The following KAZN variants were observed in gnomAD, a reference collection of about 807,000 sequenced individuals.
KAZN encodes kazrin, periplakin interacting protein.
A neutral mutation model predicts 87.4 loss-of-function variants in KAZN; 40 were observed. The observed-to-expected ratio is 0.46, with a 90% CI of 0.36 to 0.60. The LOEUF (loss-of-function observed/expected upper bound fraction) is 0.60. Among genes scored for constraint, KAZN ranks in the 20% least tolerant of loss-of-function variants. The pLI is 0.00. For missense variants in KAZN, 898 were observed against 1,073.9 expected, an observed-to-expected ratio of 0.84 and a Z score of 2.29; for synonymous variants, 466 against 458.3, an observed-to-expected ratio of 1.02 and a Z score of -0.22.
At chr1:14,476,836 C>T (rs1369157640) in intron 2 of KAZN, among the ~76,000 whole-genome samples, 2 of 152,176 alleles carry the variant, frequency 1.3e-5, no homozygotes, top group Non-Finnish European at 2.9e-5. Context: ...CCATTCTCTT[C>T]TTTGTCCACT....
At chr1:15,080,308 G>A (rs1030393271) in intron 8 of KAZN, among the ~76,000 whole-genome samples, 6 of 152,218 alleles carry the variant, frequency 3.9e-5, no homozygotes, top group African/African-American at 1.4e-4. Context: ...TTATGATGTC[G>A]TAAATAGGGA....
chr1:14,440,510 C>A (rs1289625616), intron 2 of KAZN, among the ~76,000 whole-genome samples: 1 of 152,208 alleles, frequency 6.6e-6, no homozygotes, highest in Non-Finnish European at 1.5e-5. Flanking sequence ...GGAACCCCAT[C>A]CTACTGAAGC....
rs1663540991 is a variant in KAZN, at chr1:14,959,200, A to C, written c.227-1484A>C. Among the ~76,000 whole-genome samples, 3 of 152,258 alleles carry C rather than the reference A, an allele frequency of 2.0e-5. No individual in the cohort carries two copies. In the South Asian group the frequency reaches 6.2e-4, roughly 32 times the overall value. On this transcript the variant is annotated intron_variant, in intron 1 of 14. Transcript: ENST00000376030. The stretch of plus-strand genomic sequence containing the variant: ...ACCCCCACCCGCCCCTAGAGCCAAC[A>C]TTGAGTTTGGGAAAGAGACAGATAA...
At chr1:14,916,186 T>TC (rs1657797072) in intron 1 of KAZN, among the ~76,000 whole-genome samples, 1 of 149,526 alleles carries the variant, frequency 6.7e-6, no homozygotes, top group African/African-American at 2.5e-5. Flanking sequence ...TTTTTTTTTT[T>TC]TTTGACAGAG....
intron 2 of KAZN, among the ~76,000 whole-genome samples, chr1:14,377,867 T>TACCCA (rs1661040775): frequency 6.6e-6 from 1 of 152,140 alleles, no homozygotes; most frequent in South Asian, 2.1e-4. Context: ...CCCTGATCTC[T>TACCCA]ACCCACTTGA....
At chr1:14,495,846 T>C (rs768729178) in intron 2 of KAZN, among the ~76,000 whole-genome samples, 11 of 152,308 alleles carry the variant, frequency 7.2e-5, no homozygotes, top group Non-Finnish European at 1.5e-4. Context: ...CGAGGAATTA[T>C]AACATTGGAA....
chr1:13,998,026 C>T (rs919511921), intron 1 of KAZN, among the ~76,000 whole-genome samples: 14 of 152,164 alleles, frequency 9.2e-5, no homozygotes, highest in African/African-American at 3.4e-4. Context: ...AACAGCAGAC[C>T]TTTCAGGAGA....
At chr1:13,985,648 A>T (rs1638983109) in intron 1 of KAZN, among the ~76,000 whole-genome samples, 1 of 152,016 alleles carries the variant, frequency 6.6e-6, no homozygotes, top group African/African-American at 2.4e-5. Context: ...CTCCAAAAAA[A>T]AAACCCTGTA....
intron 1 of KAZN, among the ~76,000 whole-genome samples, chr1:14,132,114 G>T (rs564392567): frequency 1.3e-5 from 2 of 152,090 alleles, no homozygotes; most frequent in African/African-American, 4.8e-5. Context: ...AACAAATGAG[G>T]CTCAGCCCTA....
chr1:15,039,208 G>A (rs940994020), intron 3 of KAZN, among the ~76,000 whole-genome samples: 2 of 150,344 alleles, frequency 1.3e-5, no homozygotes, highest in East Asian at 1.9e-4. Context: ...GCAATCCTTC[G>A]AGGAGTGATT....
intron 2 of KAZN, among the ~76,000 whole-genome samples, chr1:14,272,702 C>CA (rs951153101): frequency 6.6e-6 from 1 of 151,568 alleles, no homozygotes; most frequent in Non-Finnish European, 1.5e-5. Context: ...ACTAAAAATA[C>CA]AAAAAATTAG....
chr1:14,924,235 C>T (rs1295920530), intron 1 of KAZN: 2 of 979,412 alleles, frequency 2.0e-6, no homozygotes, highest in South Asian at 9.4e-5. Flanking sequence ...CGCGCGCCGC[C>T]GGCCGGGCGG....
intron 1 of KAZN, among the ~76,000 whole-genome samples, chr1:14,691,532 C>T (rs147328778): frequency 1.8e-3 from 269 of 152,252 alleles, no homozygotes; most frequent in Middle Eastern, 3.4e-3. Flanking sequence ...TGTTGCCCAG[C>T]CCGGAGTGCA....
At chr1:14,078,628 G>C (rs531532683) in intron 1 of KAZN, among the ~76,000 whole-genome samples, 3 of 152,172 alleles carry the variant, frequency 2.0e-5, no homozygotes, top group Non-Finnish European at 2.9e-5. Flanking sequence ...TTCATAGACG[G>C]CGCCTTCTCA....
At chr1:14,097,555 C>G (rs537139295) in intron 1 of KAZN, among the ~76,000 whole-genome samples, 10 of 151,924 alleles carry the variant, frequency 6.6e-5, no homozygotes, top group Non-Finnish European at 1.2e-4. Flanking sequence ...GCATTGTATT[C>G]GTAGTCAGTA....
intron 2 of KAZN, among the ~76,000 whole-genome samples, chr1:14,558,831 C>T (rs1674077772): frequency 6.6e-6 from 1 of 152,114 alleles, no homozygotes; most frequent in Non-Finnish European, 1.5e-5. Flanking sequence ...TTGCACAGAA[C>T]AGAAATCCTC....
Position 15,112,536 on chromosome 1 carries a change from G to A in KAZN, c.2158G>A (p.Gly720Ser). ...ENSSGLKYKA[G>S]RLPLGKIGRG... ...CAGCAGCGGTCTCAAGTACAAGGCT[G>A]GCCGGGTAAGTCTCTCAATGGATTT... Residue 720 changes from glycine (G) to serine (S), a missense_variant, in exon 14 of 15, where the codon GGC becomes AGC. Transcript: ENST00000376030. The A allele has an allele frequency of 1.3e-6, 2 of 1,581,190 alleles. No individual in the cohort carries two copies. The highest frequency in any genetic ancestry group is 1.7e-6 in the Non-Finnish European group (2 of 1,163,162).
At chr1:14,896,107 T>C (rs968626077) in intron 1 of KAZN, among the ~76,000 whole-genome samples, 1 of 147,354 alleles carries the variant, frequency 6.8e-6, no homozygotes, top group Non-Finnish European at 1.5e-5. Flanking sequence ...TAGGCTGGAG[T>C]GGAATGGTGC....
At position 14,599,289 on chromosome 1, in the gene KAZN, C is replaced by T. The variant is rs1296713760; in HGVS notation, c.226+66C>T. The stretch of plus-strand genomic sequence containing the variant: ...GAGCACGCCCGGCCTCGGAGGTGGC[C>T]GGGGACCCGGGGTCCCCCACACCCG... On this transcript the variant is annotated intron_variant, in intron 1 of 14. Transcript: ENST00000376030. The surrounding 1 kb of genome is among the most constrained non-coding windows in gnomAD (Gnocchi z 4.4). The T allele has an allele frequency of 2.4e-6, 3 of 1,272,546 alleles. No individual in the cohort carries two copies. The highest frequency in any genetic ancestry group is 1.6e-5 in the African/African-American group (1 of 64,114). The allele number at this position is 1,272,546 out of a possible 1,614,324, so 78.8% of individuals were successfully genotyped here.
Sources: gnomAD v4.1 joint callset for allele counts (sites outside exome capture counted in the v4.1 genomes callset) on GRCh38, gnomAD v4.1.1 for gene constraint, Gnocchi (gnomAD v3.1) non-coding constraint, MANE v1.5 for transcripts, NCBI Gene and HGNC (gene_info 2026-07-23, HGNC 2026-07-21) for gene names.